Variants in TBC1D14 observed in about 807,000 individuals in gnomAD.
TBC1D14 encodes the protein TBC1 domain family, member 14.
TBC1D14 carries 26 observed loss-of-function variants against 79.0 expected under a neutral mutation model. That is an observed-to-expected ratio of 0.33 (90% CI 0.24 to 0.46). TBC1D14 has a LOEUF of 0.46. Among genes scored for constraint, TBC1D14 ranks in the 20% least tolerant of loss-of-function variants. The pLI is 1.00. For synonymous variants in TBC1D14, 394 were observed against 349.9 expected (o/e 1.13, Z -1.40); for missense variants, 769 against 887.6 (o/e 0.87, Z 1.70).
At chr4:7,012,876 G>T (rs368327544) in intron 11 of TBC1D14, among the ~76,000 whole-genome samples, 1 of 152,130 alleles carries the variant, frequency 6.6e-6, no homozygotes, top group South Asian at 2.1e-4. Flanking sequence ...TTGAGGAAGC[G>T]TTCTTACTCT....
intron 2 of TBC1D14, among the ~76,000 whole-genome samples, chr4:6,929,742 C>T (rs530604744): frequency 4.6e-5 from 7 of 152,262 alleles, no homozygotes; most frequent in South Asian, 2.1e-4. Context: ...TGCACAGGAG[C>T]GGATGGGCTG....
At chr4:6,951,514 AAATT>A (rs1440483438) in intron 2 of TBC1D14, among the ~76,000 whole-genome samples, 3 of 152,308 alleles carry the variant, frequency 2.0e-5, no homozygotes, top group East Asian at 1.9e-4. Context: ...AACAACAAAA[AAATT>A]AAAAAGGTAA....
At chr4:6,987,991 C>T (rs56081162) in intron 3 of TBC1D14, among the ~76,000 whole-genome samples, 16,809 of 152,254 alleles carry the variant, frequency 0.11, 1,380 homozygotes, top group African/African-American at 0.23. Context: ...TGTTAAAGAA[C>T]CCAGGCCAGA....
At chr4:6,968,278 T>A (rs1163021059) in intron 3 of TBC1D14, among the ~76,000 whole-genome samples, 2 of 152,096 alleles carry the variant, frequency 1.3e-5, no homozygotes, top group Non-Finnish European at 2.9e-5. Context: ...AGTGTCCCCA[T>A]GGAAATGATT....
intron 2 of TBC1D14, among the ~76,000 whole-genome samples, chr4:6,924,366 T>TC (rs1724114062): frequency 6.6e-6 from 1 of 152,184 alleles, no homozygotes. Flanking sequence ...GCTGTGGCTG[T>TC]CCCACAGGTG....
chr4:7,023,234 C>G (rs573190412), intron 12 of TBC1D14, among the ~76,000 whole-genome samples: 6 of 152,226 alleles, frequency 3.9e-5, no homozygotes, highest in Admixed American at 3.9e-4. Context: ...CCAGCCTGGG[C>G]GACAGAGTGA....
intron 3 of TBC1D14, among the ~76,000 whole-genome samples, chr4:6,986,562 A>G (rs1577124249): frequency 6.8e-6 from 1 of 147,296 alleles, no homozygotes; most frequent in African/African-American, 2.5e-5. Context: ...CTGCGGGGGG[A>G]GCCTTGGGCT....
chr4:7,021,946 C>T (rs531453559), intron 12 of TBC1D14, among the ~76,000 whole-genome samples: 8 of 152,332 alleles, frequency 5.3e-5, no homozygotes, highest in South Asian at 4.1e-4. Context: ...TTGTTCCGAC[C>T]GGTTCTGATC....
intron 3 of TBC1D14, among the ~76,000 whole-genome samples, chr4:6,978,222 C>G (rs1294204887): frequency 1.3e-5 from 2 of 151,944 alleles, no homozygotes; most frequent in East Asian, 1.9e-4. Context: ...GCCCGGCCAC[C>G]ACCCCGTCTG....
intron 2 of TBC1D14, among the ~76,000 whole-genome samples, chr4:6,928,675 A>C (rs934131656): frequency 6.6e-6 from 1 of 152,214 alleles, no homozygotes; most frequent in African/African-American, 2.4e-5. Context: ...TCTACTAAAA[A>C]TACAAAAATT....
intron 3 of TBC1D14, among the ~76,000 whole-genome samples, chr4:6,969,840 T>C (rs1045186901): frequency 1.3e-5 from 2 of 152,146 alleles, no homozygotes; most frequent in African/African-American, 4.8e-5. Flanking sequence ...GACCATCTGC[T>C]TCCGTCGTCA....
chr4:6,979,382 T>C (rs184418009), intron 3 of TBC1D14, among the ~76,000 whole-genome samples: 31 of 152,280 alleles, frequency 2.0e-4, no homozygotes, highest in African/African-American at 7.5e-4. Flanking sequence ...ATCCCAGCAC[T>C]TTGGGAGGCC....
At chr4:6,987,703 T>G in intron 3 of TBC1D14, 5 of 284,504 alleles carry the variant, frequency 1.8e-5, no homozygotes, top group Non-Finnish European at 3.2e-5. Context: ...GCAGCCCCCT[T>G]AGAGGTCAGA....
At chr4:7,019,702 C>G (rs971944161) in intron 12 of TBC1D14, among the ~76,000 whole-genome samples, 1 of 151,866 alleles carries the variant, frequency 6.6e-6, no homozygotes, top group African/African-American at 2.4e-5. Flanking sequence ...CCCTGCTGGG[C>G]TCAGGTTAGG....
intron 3 of TBC1D14, among the ~76,000 whole-genome samples, chr4:6,974,326 C>A (rs559036296): frequency 2.6e-5 from 4 of 152,058 alleles, no homozygotes; most frequent in Non-Finnish European, 5.9e-5. Flanking sequence ...ATTACCTGGC[C>A]CAGATATGGA....
At chr4:6,928,196 T>A (rs1724434577) in intron 2 of TBC1D14, among the ~76,000 whole-genome samples, 1 of 152,230 alleles carries the variant, frequency 6.6e-6, no homozygotes, top group Non-Finnish European at 1.5e-5. Context: ...ATCAGGAGCT[T>A]GCCCAGTGAA....
chr4:6,999,493 G>C (rs1719436501), intron 6 of TBC1D14, among the ~76,000 whole-genome samples: 2 of 152,124 alleles, frequency 1.3e-5, no homozygotes, highest in South Asian at 4.1e-4. Context: ...TCCTGTGACT[G>C]TCAGTACACA....
In TBC1D14 at chr4:6,992,734, C is replaced by T. The variant is rs1718630343; in HGVS notation, c.844-1450C>T. ...GAGACTTTGACATTCAGGTGCTAGA[C>T]TTGAAGCTTCATGAGGGCTAGTGCC... On this transcript the variant is annotated intron_variant, in intron 3 of 13. Coordinates refer to ENST00000409757, the MANE Select transcript of TBC1D14 (RefSeq NM_020773.3). Among the ~76,000 whole-genome samples, 10 of 152,344 alleles carry T rather than the reference C, an allele frequency of 6.6e-5. No individual in the cohort carries two copies. The South Asian group carries it at 2.1e-3, about 32-fold the overall frequency.
At chr4:6,933,288 T>C (rs1430002335) in intron 2 of TBC1D14, among the ~76,000 whole-genome samples, 3,594 of 10,544 alleles carry the variant, frequency 0.34, 1,369 homozygotes, top group East Asian at 0.52. Flanking sequence ...CCCTTCCCCT[T>C]CCCCTTCCCC....
Sources: gnomAD v4.1 joint callset for allele counts (sites outside exome capture counted in the v4.1 genomes callset) on GRCh38, gnomAD v4.1.1 for gene constraint, MANE v1.5 for transcripts, NCBI Gene and HGNC (gene_info 2026-07-23, HGNC 2026-07-21) for gene names.